The following CRB1 variants were observed in gnomAD, a reference collection of about 807,000 sequenced individuals.
CRB1 encodes the protein protein crumbs homolog 1.
Under a neutral mutation model 120.0 loss-of-function variants are expected in CRB1, and 83 were observed. The observed-to-expected ratio is 0.69, with a 90% confidence interval of 0.58 to 0.83. CRB1 has a LOEUF of 0.83. Among genes scored for constraint, CRB1 ranks in the 40% least tolerant of loss-of-function variants. The probability of loss-of-function intolerance (pLI) is 0.00; values close to 1 mark genes in which losing one functional copy is unlikely to be tolerated. For missense variants in CRB1, 1,699 were observed against 1,687.6 expected (o/e 1.01, Z -0.12); for synonymous variants, 625 against 612.5 (o/e 1.02, Z -0.30).
the CRB1 span, among the ~76,000 whole-genome samples, chr1:197,242,204 C>G: frequency 6.6e-6 from 1 of 152,032 alleles, no homozygotes; most frequent in Admixed American, 6.6e-5. Context: ...TTGCCCTGGC[C>G]AGAACTCTGT....
the CRB1 span, among the ~76,000 whole-genome samples, chr1:197,227,394 T>C: frequency 7.7e-6 from 1 of 129,952 alleles, no homozygotes; most frequent in Non-Finnish European, 1.6e-5. Flanking sequence ...TTTCTTTTTC[T>C]TTTTTTTTTT....
the CRB1 span, among the ~76,000 whole-genome samples, chr1:197,216,089 T>G: frequency 6.6e-6 from 1 of 152,204 alleles, no homozygotes; most frequent in Admixed American, 6.5e-5. Context: ...TCTGGCCTTC[T>G]GAATGTAGAG....
At chr1:197,261,366 A>G in the CRB1 span, among the ~76,000 whole-genome samples, 5 of 152,244 alleles carry the variant, frequency 3.3e-5, no homozygotes, top group Admixed American at 6.5e-5. Context: ...GATTCCCAGA[A>G]AAATGAAATC....
the CRB1 span, among the ~76,000 whole-genome samples, chr1:197,242,801 CCT>C: frequency 6.6e-6 from 1 of 152,142 alleles, no homozygotes; most frequent in African/African-American, 2.4e-5. Context: ...TCAGTCTGTT[CCT>C]GCGCTTTTTT....
chr1:197,287,573 A>G (rs1295162808), intron 1 of CRB1, among the ~76,000 whole-genome samples: 1 of 151,828 alleles, frequency 6.6e-6, no homozygotes, highest in Non-Finnish European at 1.5e-5. Flanking sequence ...CCACAGCAGC[A>G]TGGAGGCTCT....
intron 10 of CRB1, chr1:197,440,981 G>T (rs1031389344): frequency 1.3e-5 from 2 of 152,190 alleles, no homozygotes; most frequent in African/African-American, 4.8e-5. Flanking sequence ...GGTATCCAAA[G>T]GGATAAGGAG....
the CRB1 span, among the ~76,000 whole-genome samples, chr1:197,238,347 T>C: frequency 6.6e-6 from 1 of 152,200 alleles, no homozygotes; most frequent in Non-Finnish European, 1.5e-5. Context: ...TCAATTGATA[T>C]TTCTATAATA....
At chr1:197,358,673 C>T (rs1213719710) in intron 5 of CRB1, among the ~76,000 whole-genome samples, 1 of 152,188 alleles carries the variant, frequency 6.6e-6, no homozygotes, top group African/African-American at 2.4e-5. Context: ...CAAAATGTTA[C>T]TTCCAAATTT....
rs35012815 is a variant in CRB1, at chr1:197,476,362, T to TTGTGTGTG, written c.4006-1273_4006-1266dup. Among the ~76,000 whole-genome samples, 14 of 140,380 alleles carry TTGTGTGTG rather than the reference T, an allele frequency of 1.0e-4. No homozygotes were observed. The East Asian group carries it at 2.3e-3, about 23-fold the overall frequency. The allele number at this position is 140,380 out of a possible 152,430, so 92.1% of individuals were successfully genotyped here. Reference sequence around the variant, plus strand: ...CCTATCTGTAATGTATTATGATTATTTGTGTGTGTGTGTGTGTGTGTGTGT... The same window carrying TTGTGTGTG: ...CCTATCTGTAATGTATTATGATTATTTGTGTGTGTGTGTGTGTGTGTGTGTGTGTGTGT... On this transcript the variant is annotated intron_variant, in intron 11 of 11. Coordinates refer to ENST00000367400, the MANE Select transcript of CRB1 (RefSeq NM_201253.3).
chr1:197,439,058 C>A, intron 10 of CRB1: 1 of 275,146 alleles, frequency 3.6e-6, no homozygotes, highest in Non-Finnish European at 7.0e-6. Context: ...TGCCTACAAC[C>A]CAAAAGTATA....
chr1:197,428,046 T>G (rs1558132563), intron 7 of CRB1, 45 bp downstream of exon 7: 1 of 1,537,120 alleles, frequency 6.5e-7, no homozygotes, highest in Middle Eastern at 1.7e-4. Context: ...TATGCTAAAC[T>G]TTTACTTTAT....
intron 5 of CRB1, among the ~76,000 whole-genome samples, chr1:197,375,506 G>C (rs768937025): frequency 9.2e-5 from 14 of 152,096 alleles, no homozygotes; most frequent in Non-Finnish European, 1.8e-4. Flanking sequence ...AGAATGGTAA[G>C]GATCTTGCAT....
chr1:197,431,278 T>A (rs1002523566), intron 8 of CRB1, among the ~76,000 whole-genome samples: 5 of 152,114 alleles, frequency 3.3e-5, no homozygotes, highest in African/African-American at 1.2e-4. Flanking sequence ...TACATTACAC[T>A]GTATATACAC....
chr1:197,313,334 G>T (rs1657659484), intron 1 of CRB1, among the ~76,000 whole-genome samples: 1 of 152,096 alleles, frequency 6.6e-6, no homozygotes, highest in South Asian at 2.1e-4. Flanking sequence ...AAACCATACT[G>T]TTGTACACAT....
At chr1:197,244,291 A>G in the CRB1 span, among the ~76,000 whole-genome samples, 112 of 152,194 alleles carry the variant, frequency 7.4e-4, 1 homozygote, top group African/African-American at 2.6e-3. Flanking sequence ...ACAATTTGGT[A>G]TGTTTTTGCA....
chr1:197,372,918 A>G (rs781373525), intron 5 of CRB1, among the ~76,000 whole-genome samples: 1 of 152,040 alleles, frequency 6.6e-6, no homozygotes, highest in Non-Finnish European at 1.5e-5. Context: ...GTGAGTTTAG[A>G]TTGTCAACTG....
intron 2 of CRB1, among the ~76,000 whole-genome samples, chr1:197,343,690 C>T (rs2125327244): frequency 6.6e-6 from 1 of 152,200 alleles, no homozygotes; most frequent in African/African-American, 2.4e-5. Flanking sequence ...AGTGTTTTTT[C>T]TCTAGCAAAT....
the CRB1 span, among the ~76,000 whole-genome samples, chr1:197,203,641 A>G: frequency 6.6e-6 from 1 of 152,230 alleles, no homozygotes; most frequent in African/African-American, 2.4e-5. Flanking sequence ...ACATTTTAAT[A>G]GAGGCCTTAC....
chr1:197,268,393 G>T lies in CRB1; in HGVS notation c.-20G>T. On this transcript the variant is annotated 5_prime_UTR_variant, in exon 1 of 12. Transcript: ENST00000367400. Reference sequence around the variant, plus strand: ...CCAGACCACCAGCAACACACCAGAGGATGTTCTCTAAATAAGACCATGGCA... The same window carrying T: ...CCAGACCACCAGCAACACACCAGAGTATGTTCTCTAAATAAGACCATGGCA... 6.3e-7 allele frequency: 1 copy of T among 1,578,936 alleles called. No homozygotes were observed. Among genetic ancestry groups the T allele is most frequent in the South Asian group, 1.1e-5 (1 of 90,366 alleles).
Sources: allele counts gnomAD v4.1 joint callset (sites outside exome capture counted in the v4.1 genomes callset), GRCh38; gene constraint gnomAD v4.1.1; transcripts MANE v1.5; gene names NCBI Gene and HGNC (gene_info 2026-07-23, HGNC 2026-07-21).